Variants in MOV10L1 observed in about 807,000 individuals in gnomAD.
The protein encoded by MOV10L1 is RNA helicase Mov10l1.
Under a neutral mutation model 143.8 loss-of-function variants are expected in MOV10L1, and 110 were observed. That is an observed-to-expected ratio of 0.76 (90% CI 0.66 to 0.90). The LOEUF is 0.90. Ranked by LOEUF, MOV10L1 falls within the 40% of genes least tolerant of loss-of-function variation. The pLI, the probability that MOV10L1 is intolerant of heterozygous loss-of-function variation, is 0.00. For missense variants in MOV10L1, 1,406 were observed against 1,526.8 expected, an observed-to-expected ratio of 0.92 and a Z score of 1.32; for synonymous variants, 593 against 581.1, an observed-to-expected ratio of 1.02 and a Z score of -0.29.
In MOV10L1 at chr22:50,108,108, A is replaced by G. The variant is rs758270013; in HGVS notation, c.443-28A>G. On this transcript the variant is annotated intron_variant, in intron 3 of 26. Transcript: ENST00000262794. ...AGAATAACTTGTGCACTTTAACACT[A>G]CCATGGCTTTTTTCCTGGCGGTTTT... The G allele has an allele frequency of 1.9e-5, 31 of 1,601,474 alleles. 1 individual carries two copies. The South Asian group carries it at 2.4e-4, about 13-fold the overall frequency.
Position 50,149,297 on chromosome 22 carries a change from C to T in MOV10L1, c.2628-318C>T, listed in dbSNP as rs531309984. On this transcript the variant is annotated intron_variant, in intron 19 of 26. Transcript: ENST00000262794. Reference sequence around the variant, plus strand: ...CGCAGGTGGAGAGCAGGCCAGGAGCCTGCGGCGCTTCTCCTGTGAGCTGCC... The same window carrying T: ...CGCAGGTGGAGAGCAGGCCAGGAGCTTGCGGCGCTTCTCCTGTGAGCTGCC... The T allele has an allele frequency of 9.0e-6, 3 of 332,284 alleles. No individual in the cohort carries two copies. In the East Asian group the frequency reaches 2.0e-4, roughly 22 times the overall value. 20.6% of individuals were successfully genotyped at this position (332,284 alleles called of 1,614,324 possible).
At chr22:50,098,361 G>A (rs1157758026) in intron 2 of MOV10L1, among the ~76,000 whole-genome samples, 1 of 149,930 alleles carries the variant, frequency 6.7e-6, no homozygotes, top group Admixed American at 6.6e-5. Context: ...TCATGAACGC[G>A]GTTGTCTTGC....
chr22:50,094,328 G>GTTTATTTTTA (rs1283334754), intron 2 of MOV10L1: 1 of 150,652 alleles, frequency 6.6e-6, no homozygotes, highest in East Asian at 1.9e-4. Context: ...GAGTTTTTAT[G>GTTTATTTTTA]TGTTCTATTA....
At chr22:50,116,593 G>T (rs1213849403) in intron 8 of MOV10L1, among the ~76,000 whole-genome samples, 1 of 150,620 alleles carries the variant, frequency 6.6e-6, no homozygotes. Flanking sequence ...TTAAAATTGG[G>T]AATATCAAAA....
At chr22:50,100,649 G>A (rs918157480) in intron 3 of MOV10L1, among the ~76,000 whole-genome samples, 1 of 152,064 alleles carries the variant, frequency 6.6e-6, no homozygotes, top group Non-Finnish European at 1.5e-5. Context: ...GAGACTACAG[G>A]TGCCCACCAC....
chr22:50,160,670 A>G lies in MOV10L1; in HGVS notation c.3325-18A>G, dbSNP rs2063536074. ...AAAACTTCAAGTGCCATTTTTATTC[A>G]TCTCTGTGTGCTTTTAGGTACGGTC... On this transcript the variant is annotated intron_variant, in intron 24 of 26. Transcript: ENST00000262794. 1 of 1,599,928 alleles carries G rather than the reference A, an allele frequency of 6.3e-7. No homozygotes were observed.
At chr22:50,114,693 C>T (rs1434841110) in intron 7 of MOV10L1, 71 bp downstream of exon 7, 2 of 1,579,888 alleles carry the variant, frequency 1.3e-6, no homozygotes, top group Admixed American at 1.7e-5. Flanking sequence ...GAGTTCTGGA[C>T]AGAGGGCGGG....
rs1283580020 is a variant in MOV10L1 at position 50,134,000 on chromosome 22, C to T, written c.1911-7C>T. ...TTAGTTATTTTATGTGGTTTTCTTT[C>T]CTGCAGGACCACAAGCAGACGGTGT... On this transcript the variant is annotated splice_polypyrimidine_tract_variant and splice_region_variant and intron_variant, in intron 13 of 26. Coordinates refer to ENST00000262794, the MANE Select transcript of MOV10L1 (RefSeq NM_018995.3). The T allele has an allele frequency of 5.0e-6, 8 of 1,608,402 alleles. No individual in the cohort carries two copies. Among genetic ancestry groups the T allele is most frequent in the Non-Finnish European group, 5.9e-6 (7 of 1,178,540 alleles).
At chr22:50,138,693 A>G (rs1228691569) in intron 15 of MOV10L1, among the ~76,000 whole-genome samples, 1 of 152,142 alleles carries the variant, frequency 6.6e-6, no homozygotes, top group East Asian at 1.9e-4. Context: ...AACACTCAGA[A>G]ATTGTTTTTT....
intron 2 of MOV10L1, among the ~76,000 whole-genome samples, chr22:50,097,755 A>G (rs1324384203): frequency 2.0e-5 from 3 of 152,162 alleles, no homozygotes; most frequent in African/African-American, 7.2e-5. Context: ...AGATTCCATT[A>G]GAATTTTAGA....
intron 10 of MOV10L1, among the ~76,000 whole-genome samples, chr22:50,122,422 T>TA (rs2062371616): frequency 6.6e-6 from 1 of 152,254 alleles, no homozygotes; most frequent in Non-Finnish European, 1.5e-5. Flanking sequence ...TTGCTGAATT[T>TA]ATTTATTCTA....
Position 50,160,672 on chromosome 22 carries a change from C to T in MOV10L1, c.3325-16C>T. The stretch of plus-strand genomic sequence containing the variant: ...AACTTCAAGTGCCATTTTTATTCAT[C>T]TCTGTGTGCTTTTAGGTACGGTCAA... On this transcript the variant is annotated splice_polypyrimidine_tract_variant and intron_variant, in intron 24 of 26. Transcript: ENST00000262794. 6.2e-7 allele frequency: 1 copy of T among 1,607,512 alleles called. No homozygotes were observed. The highest frequency in any genetic ancestry group is 8.5e-7 in the Non-Finnish European group (1 of 1,176,704).
chr22:50,146,996 C>G, intron 19 of MOV10L1: 1 of 1,489,906 alleles, frequency 6.7e-7, no homozygotes, highest in Non-Finnish European at 9.2e-7. Context: ...GATTGGACAG[C>G]ACGGATCTGA....
In MOV10L1 at chr22:50,153,152, G is replaced by A; in HGVS notation, c.3000G>A (p.Val1000=). ...AGGTCTGTGCGGACCCCACAGTGGT[G>A]ACCTCCTTGCTGGGCTGGGAGAAGT... The part of the protein sequence containing the change: ...ELEVCADPTV[V]TSLLGWEKLP... Residue 1000 remains valine (V), a synonymous_variant, in exon 22 of 27, where the codon GTG becomes GTA. Coordinates refer to ENST00000262794, the MANE Select transcript of MOV10L1 (RefSeq NM_018995.3). The A allele has an allele frequency of 6.2e-7, 1 of 1,614,070 alleles. No homozygotes were observed. Among genetic ancestry groups the A allele is most frequent in the Non-Finnish European group, 8.5e-7 (1 of 1,179,930 alleles).
chr22:50,110,469 CT>C (rs2061994472), intron 5 of MOV10L1, among the ~76,000 whole-genome samples: 1 of 151,384 alleles, frequency 6.6e-6, no homozygotes, highest in Non-Finnish European at 1.5e-5. Context: ...AAAAGACTGT[CT>C]TTTGGAAGCT....
chr22:50,096,175 A>C (rs980269824), intron 2 of MOV10L1: 1 of 152,174 alleles, frequency 6.6e-6, no homozygotes, highest in Admixed American at 6.5e-5. Flanking sequence ...ATCCCAGTAG[A>C]CACTCTGTAC....
chr22:50,108,531 C>A, intron 4 of MOV10L1, 126 bp from the exon 5 acceptor site: 2 of 997,430 alleles, frequency 2.0e-6, no homozygotes, highest in Non-Finnish European at 3.1e-6. Context: ...ACCAGTGCTA[C>A]GGGATGGCGG....
rs1385457937 is a variant in MOV10L1, at chr22:50,142,197, C to G, written c.2179+8C>G. Reference sequence around the variant, plus strand: ...CAGAGATGAGCGATTGGGGTATGTGCTCATGAGGGGCAAGGAGAAGAGCAA... The same window carrying G: ...CAGAGATGAGCGATTGGGGTATGTGGTCATGAGGGGCAAGGAGAAGAGCAA... On this transcript the variant is annotated splice_region_variant and intron_variant, in intron 16 of 26. Coordinates refer to ENST00000262794, the MANE Select transcript of MOV10L1 (RefSeq NM_018995.3). The G allele has an allele frequency of 6.2e-7, 1 of 1,602,482 alleles. No individual in the cohort carries two copies.
chr22:50,131,063 AT>A (rs3041370), intron 13 of MOV10L1, among the ~76,000 whole-genome samples: 33,963 of 127,982 alleles, frequency 0.27, 4,789 homozygotes, highest in African/African-American at 0.45. Context: ...CGCCCGGCTA[AT>A]TTTTTTTTTT....
Sources: gnomAD v4.1 joint callset for allele counts (sites outside exome capture counted in the v4.1 genomes callset) on GRCh38, gnomAD v4.1.1 for gene constraint, MANE v1.5 for transcripts, NCBI Gene and HGNC (gene_info 2026-07-23, HGNC 2026-07-21) for gene names.